Variants in LRRC7 observed in about 807,000 individuals in gnomAD.
The protein encoded by LRRC7 is leucine rich repeat containing 7, also known as leucine-rich repeat-containing protein 7.
LRRC7 carries 23 observed loss-of-function variants against 175.7 expected under a neutral mutation model. The observed-to-expected ratio is 0.13, with a 90% CI of 0.09 to 0.19. The LOEUF is 0.19. Ranked by LOEUF, LRRC7 falls within the 10% of genes least tolerant of loss-of-function variation. The probability of loss-of-function intolerance (pLI) is 1.00; values close to 1 mark genes in which losing one functional copy is unlikely to be tolerated. For synonymous variants in LRRC7, 685 were observed against 680.9 expected (o/e 1.01, Z -0.09); for missense variants, 1,354 against 1,904.7 (o/e 0.71, Z 5.38).
chr1:69,754,067 C>G (rs1670139677), intron 2 of LRRC7, among the ~76,000 whole-genome samples: 1 of 151,902 alleles, frequency 6.6e-6, no homozygotes, highest in African/African-American at 2.4e-5. Flanking sequence ...GGTACCTGGC[C>G]AGGTTGTGCA....
intron 10 of LRRC7, among the ~76,000 whole-genome samples, chr1:69,988,487 GA>G (rs1654140887): frequency 6.6e-6 from 1 of 152,160 alleles, no homozygotes; most frequent in Non-Finnish European, 1.5e-5. Context: ...TGATAGAATG[GA>G]AATCCAGCAA....
At chr1:70,088,616 C>T (rs1436367267) in intron 24 of LRRC7, among the ~76,000 whole-genome samples, 1 of 151,978 alleles carries the variant, frequency 6.6e-6, no homozygotes, top group Non-Finnish European at 1.5e-5. Flanking sequence ...CTTTATGTAA[C>T]CAATGTATAC....
intron 2 of LRRC7, among the ~76,000 whole-genome samples, chr1:69,735,277 CCAAT>C (rs1167422716): frequency 6.6e-6 from 1 of 152,010 alleles, no homozygotes; most frequent in East Asian, 1.9e-4. Context: ...TGTTTTTAAT[CCAAT>C]CAGTGTTCAC....
At chr1:69,627,275 G>A (rs1651745836) in intron 1 of LRRC7, among the ~76,000 whole-genome samples, 1 of 152,144 alleles carries the variant, frequency 6.6e-6, no homozygotes, top group Non-Finnish European at 1.5e-5. Flanking sequence ...TCTAACTGGT[G>A]TGAGATGATA....
intron 7 of LRRC7, among the ~76,000 whole-genome samples, chr1:69,888,583 C>G (rs930512041): frequency 6.6e-6 from 1 of 152,162 alleles, no homozygotes; most frequent in Non-Finnish European, 1.5e-5. Flanking sequence ...TCTTCTGCGT[C>G]GCTCACGCTG....
chr1:69,998,646 G>A (rs142061948), intron 11 of LRRC7, among the ~76,000 whole-genome samples: 8 of 152,186 alleles, frequency 5.3e-5, no homozygotes, highest in South Asian at 2.1e-4. Context: ...CCTACTTAAC[G>A]TCATGATTGG....
chr1:69,614,246 CAT>C (rs75508296), intron 1 of LRRC7, among the ~76,000 whole-genome samples: 1,903 of 152,106 alleles, frequency 0.013, 68 homozygotes, highest in East Asian at 0.099. Flanking sequence ...CGAAGTGACA[CAT>C]GTGATAACAA....
At chr1:69,814,545 T>C (rs1215613931) in intron 4 of LRRC7, among the ~76,000 whole-genome samples, 1 of 152,158 alleles carries the variant, frequency 6.6e-6, no homozygotes, top group Non-Finnish European at 1.5e-5. Flanking sequence ...AATGACTAAT[T>C]CTTTCAAATA....
intron 4 of LRRC7, among the ~76,000 whole-genome samples, chr1:69,794,892 G>A (rs1024827426): frequency 5.3e-5 from 8 of 152,046 alleles, no homozygotes; most frequent in East Asian, 1.9e-4. Flanking sequence ...CTATTACCTC[G>A]GGGCTTTTAG....
intron 26 of LRRC7, among the ~76,000 whole-genome samples, chr1:70,116,323 G>A (rs1312806362): frequency 2.0e-5 from 3 of 152,132 alleles, no homozygotes; most frequent in East Asian, 3.9e-4. Flanking sequence ...CGAGGCAGGC[G>A]CATCACGAGG....
chr1:69,952,720 A>G (rs1272966649), intron 8 of LRRC7, among the ~76,000 whole-genome samples: 2 of 152,042 alleles, frequency 1.3e-5, no homozygotes, highest in Non-Finnish European at 2.9e-5. Context: ...ATGTTCAGGC[A>G]CCTCCAGTGT....
intron 3 of LRRC7, among the ~76,000 whole-genome samples, chr1:69,770,713 A>G (rs1032588837): frequency 1.5e-4 from 23 of 152,230 alleles, no homozygotes; most frequent in Non-Finnish European, 2.9e-4. Flanking sequence ...TTAAAATTTC[A>G]TGTTAACACT....
rs117488743 is a variant in LRRC7, at chr1:69,639,814, C to T, written c.3-38567C>T. ...ATATCAATACCTACAAATGCAAAAA[C>T]CAATATTAAGGATAGAAACTTTCAA... On this transcript the variant is annotated intron_variant, in intron 1 of 26. Coordinates refer to ENST00000651989, the MANE Select transcript of LRRC7 (RefSeq NM_001370785.2). Among the ~76,000 whole-genome samples the T allele has an allele frequency of 3.4e-4, 52 of 151,448 alleles. 1 individual carries two copies. The East Asian group carries it at 8.4e-3, about 24-fold the overall frequency.
chr1:69,822,184 G>A (rs1374538259), intron 4 of LRRC7, among the ~76,000 whole-genome samples: 4 of 152,136 alleles, frequency 2.6e-5, no homozygotes, highest in Non-Finnish European at 1.5e-5. Flanking sequence ...CAGGCTGTGT[G>A]CTGGGAGTCT....
intron 25 of LRRC7, among the ~76,000 whole-genome samples, chr1:70,102,740 G>C (rs1217328002): frequency 6.6e-6 from 1 of 152,108 alleles, no homozygotes. Context: ...ATTTTATATG[G>C]ACTCAGTCAC....
intron 7 of LRRC7, among the ~76,000 whole-genome samples, chr1:69,856,367 A>G (rs970904648): frequency 2.6e-5 from 4 of 152,152 alleles, no homozygotes; most frequent in Admixed American, 2.6e-4. Context: ...GACCACTAGC[A>G]AGACTAATAA....
chr1:70,052,175 T>G (rs528320464), intron 22 of LRRC7, among the ~76,000 whole-genome samples: 2 of 149,168 alleles, frequency 1.3e-5, no homozygotes, highest in Non-Finnish European at 3.0e-5. Flanking sequence ...AAGGAGCCTT[T>G]GTGAAAATAT....
chr1:69,609,409 T>C (rs1301159846), intron 1 of LRRC7, among the ~76,000 whole-genome samples: 1 of 152,040 alleles, frequency 6.6e-6, no homozygotes, highest in Non-Finnish European at 1.5e-5. Flanking sequence ...TATTAGTTTA[T>C]CTTAATTTTT....
At chr1:69,898,661 C>CGCT (rs1557864684) in intron 7 of LRRC7, among the ~76,000 whole-genome samples, 7 of 124,928 alleles carry the variant, frequency 5.6e-5, no homozygotes, top group Admixed American at 1.7e-4. Context: ...TTGCTATCAT[C>CGCT]ACTGCTGCTG....
Sources: allele counts gnomAD v4.1 joint callset (sites outside exome capture counted in the v4.1 genomes callset), GRCh38; gene constraint gnomAD v4.1.1; transcripts MANE v1.5; gene names NCBI Gene and HGNC (gene_info 2026-07-23, HGNC 2026-07-21).